The following NHSL2 variants were observed in gnomAD, a reference collection of about 807,000 sequenced individuals.
NHSL2 encodes NHS-like protein 2.
A neutral mutation model predicts 53.4 loss-of-function variants in NHSL2; 27 were observed. The ratio of observed to expected loss-of-function variants is 0.51; its 90% CI spans 0.37 to 0.70. NHSL2 has a LOEUF of 0.70. Among genes scored for constraint, NHSL2 ranks in the 30% least tolerant of loss-of-function variants. NHSL2 has a pLI of 0.00. For missense variants in NHSL2, 892 were observed against 980.1 expected (o/e 0.91, Z 1.20); for synonymous variants, 408 against 404.1 (o/e 1.01, Z -0.12).
At chrX:71,975,504 G>A (rs1278134298) in intron 1 of NHSL2, among the ~76,000 whole-genome samples, 3 of 110,689 alleles carry the variant, frequency 2.7e-5, no homozygotes, top group Non-Finnish European at 5.7e-5. Flanking sequence ...TCTCTAAAGA[G>A]CCTATACCCC....
chrX:71,995,379 C>G lies in NHSL2; in HGVS notation c.280+84012C>G, dbSNP rs140171682. On this transcript the variant is annotated intron_variant, in intron 1 of 7. Coordinates refer to ENST00000633930, the MANE Select transcript of NHSL2 (RefSeq NM_001013627.3). ...CTGCTCAAAACCCTCTACTGGATCT[C>G]TATTTCAGATGAAAAGCCAACGTCC... Among the ~76,000 whole-genome samples, 269 of 111,824 alleles carry G rather than the reference C, an allele frequency of 2.4e-3. 1 individual carries two copies. The highest frequency in any genetic ancestry group is 8.3e-3 in the African/African-American group (255 of 30,808).
At chrX:72,133,808 C>T (rs7392268) in intron 2 of NHSL2, 131,379 of 220,668 alleles carry the variant, frequency 0.6, 36,198 homozygotes, top group Non-Finnish European at 0.78. Flanking sequence ...AGCCTCTTTT[C>T]GTAACTGAGC....
At chrX:72,068,575 C>G (rs1431697654) in intron 1 of NHSL2, among the ~76,000 whole-genome samples, 1 of 112,554 alleles carries the variant, frequency 8.9e-6, no homozygotes, top group Non-Finnish European at 1.9e-5. Context: ...GGCTGCTGAG[C>G]TAGCACCACC....
chrX:72,018,798 G>C (rs1172790451), intron 1 of NHSL2, among the ~76,000 whole-genome samples: 1 of 112,799 alleles, frequency 8.9e-6, no homozygotes, highest in African/African-American at 3.2e-5. Flanking sequence ...CCACCGGCCC[G>C]CGCTGCTCTG....
chrX:72,144,730 A>G lies in NHSL2; in HGVS notation c.*1156A>G, dbSNP rs2042450407. 4.5e-6 allele frequency: 1 copy of G among 223,092 alleles called. No individual in the cohort carries two copies. The highest frequency in any genetic ancestry group is 3.0e-5 in the African/African-American group (1 of 33,392). 18.4% of individuals were successfully genotyped at this position (223,092 alleles called of 1,213,427 possible). On this transcript the variant is annotated 3_prime_UTR_variant, in exon 8 of 8. Transcript: ENST00000633930. Reference sequence around the variant, plus strand: ...CACACACACACACACACACACACACACACACACACACACACAAAAGGGCTA... The same window carrying G: ...CACACACACACACACACACACACACGCACACACACACACACAAAAGGGCTA...
At chrX:72,066,414 G>A (rs1298892616) in intron 1 of NHSL2, among the ~76,000 whole-genome samples, 3 of 111,630 alleles carry the variant, frequency 2.7e-5, no homozygotes, top group Non-Finnish European at 5.7e-5. Flanking sequence ...AGTCCAGAGG[G>A]AGTATGTGAC....
chrX:72,082,312 G>A (rs1250092688), intron 1 of NHSL2, among the ~76,000 whole-genome samples: 2 of 111,520 alleles, frequency 1.8e-5, no homozygotes, highest in African/African-American at 6.5e-5. Flanking sequence ...AATGTACCAG[G>A]CCTGTGCTAG....
At chrX:72,122,622 C>G (rs548345493) in intron 1 of NHSL2, among the ~76,000 whole-genome samples, 2 of 112,212 alleles carry the variant, frequency 1.8e-5, no homozygotes, top group African/African-American at 6.5e-5. Context: ...GGGTTCAAAG[C>G]CAGGTCTATG....
Position 72,139,500 on chromosome X carries a change from C to A in NHSL2, c.1952C>A (p.Ser651Tyr), listed in dbSNP as rs1295815711. 13 of 1,210,805 alleles carry A rather than the reference C, an allele frequency of 1.1e-5. No homozygotes were observed. Among genetic ancestry groups the A allele is most frequent in the Non-Finnish European group, 1.5e-5 (13 of 894,594 alleles). Residue 651 changes from serine to tyrosine, a missense_variant, in exon 6 of 8, where the codon TCC becomes TAC. Transcript: ENST00000633930. ...TDWKSGDTYQSLSSSSTATGT... is the reference protein window; with the variant it reads ...TDWKSGDTYQYLSSSSTATGT... ...TGGAAGTCTGGTGACACCTACCAAT[C>A]CCTGTCCAGCTCCAGCACTGCCACT... is the stretch of plus-strand genomic sequence containing the variant.
intron 1 of NHSL2, among the ~76,000 whole-genome samples, chrX:71,962,419 C>A (rs1263556848): frequency 9.0e-6 from 1 of 111,166 alleles, no homozygotes; most frequent in East Asian, 2.8e-4. Flanking sequence ...GTAGAATTCA[C>A]CAGTGTAGCC....
chrX:71,956,118 A>G (rs1214847580), intron 1 of NHSL2, among the ~76,000 whole-genome samples: 4 of 111,753 alleles, frequency 3.6e-5, no homozygotes, highest in African/African-American at 1.3e-4. Flanking sequence ...TTAGACTCAG[A>G]CCCTGCTCAA....
At chrX:72,131,210 G>C (rs1258884141) in intron 1 of NHSL2, 2 of 1,200,631 alleles carry the variant, frequency 1.7e-6, no homozygotes, top group Non-Finnish European at 2.2e-6. Flanking sequence ...GGGGTGCTGC[G>C]ATCCTGGATC....
intron 1 of NHSL2, among the ~76,000 whole-genome samples, chrX:72,016,185 A>G (rs2042135106): frequency 8.9e-6 from 1 of 112,362 alleles, no homozygotes; most frequent in Non-Finnish European, 1.9e-5. Context: ...ATCTCATTTA[A>G]TTTTTATCAA....
intron 1 of NHSL2, among the ~76,000 whole-genome samples, chrX:72,015,856 A>C (rs1180010526): frequency 8.9e-6 from 1 of 112,446 alleles, no homozygotes; most frequent in African/African-American, 3.2e-5. Context: ...ATTGATTTAC[A>C]GAAATTCTCT....
chrX:72,021,103 A>G (rs1393200034), intron 1 of NHSL2, among the ~76,000 whole-genome samples: 1 of 111,460 alleles, frequency 9.0e-6, no homozygotes, highest in African/African-American at 3.3e-5. Context: ...ATTGAGGACT[A>G]TGTTCTGGGT....
In NHSL2 at chrX:72,003,967, A is replaced by C. The variant is rs767322585; in HGVS notation, c.280+92600A>C. Reference sequence around the variant, plus strand: ...TGGCATTAGTTCCACTTCACACATGAGGAAACTGAGGTTTAGGAGGCATTA... The same window carrying C: ...TGGCATTAGTTCCACTTCACACATGCGGAAACTGAGGTTTAGGAGGCATTA... On this transcript the variant is annotated intron_variant, in intron 1 of 7. Transcript: ENST00000633930. Among the ~76,000 whole-genome samples, 2 of 111,856 alleles carry C rather than the reference A, an allele frequency of 1.8e-5. 1 individual carries two copies. The highest frequency in any genetic ancestry group is 6.5e-5 in the African/African-American group (2 of 30,716).
chrX:72,114,987 G>A (rs1319591442), intron 1 of NHSL2, among the ~76,000 whole-genome samples: 1 of 112,010 alleles, frequency 8.9e-6, no homozygotes, highest in Non-Finnish European at 1.9e-5. Flanking sequence ...GCAGCGATAG[G>A]CCAATTTATG....
At chrX:72,007,048 G>A (rs2042097449) in intron 1 of NHSL2, among the ~76,000 whole-genome samples, 1 of 111,983 alleles carries the variant, frequency 8.9e-6, no homozygotes, top group African/African-American at 3.3e-5. Context: ...ATCTACTTGA[G>A]CCACTTTTAC....
At chrX:72,099,580 A>G in intron 1 of NHSL2, among the ~76,000 whole-genome samples, 1 of 110,537 alleles carries the variant, frequency 9.0e-6, no homozygotes, top group Non-Finnish European at 1.9e-5. Flanking sequence ...CATATTGGTC[A>G]GGCTGGTCTC....
Sources: allele counts gnomAD v4.1 joint callset (sites outside exome capture counted in the v4.1 genomes callset), GRCh38; gene constraint gnomAD v4.1.1; transcripts MANE v1.5; gene names NCBI Gene and HGNC (gene_info 2026-07-23, HGNC 2026-07-21).